LIPA: variants seen among roughly 807,000 people sequenced by gnomAD.
LIPA encodes lysosomal acid lipase/cholesteryl ester hydrolase.
In LIPA, 26 loss-of-function variants were observed where a neutral mutation model predicts 40.6. The ratio of observed to expected loss-of-function variants is 0.64; its 90% CI spans 0.47 to 0.89. The LOEUF is 0.89. LIPA is among the 40% of genes least tolerant of loss of function. LIPA has a pLI of 0.00. For missense variants in LIPA, 455 were observed against 479.6 expected (o/e 0.95, Z 0.48); for synonymous variants, 188 against 168.4 (o/e 1.12, Z -0.90).
chr10:89,288,313 C>A (rs550751846), intron 1 of LIPA, among the ~76,000 whole-genome samples: 129 of 152,246 alleles, frequency 8.5e-4, no homozygotes, highest in Middle Eastern at 6.8e-3. Flanking sequence ...TGTAAACTGA[C>A]AAAAGCAAAC....
chr10:89,246,866 T>C (rs1294410688), intron 2 of LIPA, among the ~76,000 whole-genome samples: 1 of 152,166 alleles, frequency 6.6e-6, no homozygotes, highest in Non-Finnish European at 1.5e-5. Context: ...CTTTGTTCAA[T>C]GTATTCTAAA....
intron 3 of LIPA, among the ~76,000 whole-genome samples, chr10:89,234,967 T>C (rs956143871): frequency 6.6e-6 from 1 of 152,244 alleles, no homozygotes; most frequent in Non-Finnish European, 1.5e-5. Flanking sequence ...GCGTGAGGGT[T>C]GGAGTCTAAC....
intron 2 of LIPA, chr10:89,363,224 G>A (rs1844033844): frequency 5.8e-6 from 1 of 171,746 alleles, no homozygotes; most frequent in Admixed American, 6.0e-5. Context: ...GCAGGATAGA[G>A]AAACTGTAGA....
chr10:89,305,350 T>C (rs1843471631), intron 1 of LIPA, among the ~76,000 whole-genome samples: 1 of 151,956 alleles, frequency 6.6e-6, no homozygotes, highest in African/African-American at 2.4e-5. Flanking sequence ...AAAGTTTGAA[T>C]AGACAAAATA....
chr10:89,257,415 T>C (rs1202368053), intron 1 of LIPA, among the ~76,000 whole-genome samples: 2 of 152,202 alleles, frequency 1.3e-5, no homozygotes, highest in Non-Finnish European at 1.5e-5. Context: ...GGTCACTTTA[T>C]ATCATAAGCC....
chr10:89,312,941 G>C (rs1226909262), intron 1 of LIPA, among the ~76,000 whole-genome samples: 1 of 152,104 alleles, frequency 6.6e-6, no homozygotes, highest in Non-Finnish European at 1.5e-5. Flanking sequence ...AGACATGGGA[G>C]GAGGGAGAAA....
intron 1 of LIPA, among the ~76,000 whole-genome samples, chr10:89,269,242 A>G (rs1843253254): frequency 6.6e-6 from 1 of 152,016 alleles, no homozygotes; most frequent in South Asian, 2.1e-4. Flanking sequence ...AGGCAGGAGA[A>G]TCACTTGAAC....
At chr10:89,373,334 CAAAAAAAAA>C (rs34479360) in intron 2 of LIPA, among the ~76,000 whole-genome samples, 1,998 of 63,184 alleles carry the variant, frequency 0.032, 42 homozygotes, top group African/African-American at 0.076. Context: ...GACTCCCTCT[CAAAAAAAAA>C]AAAAAAAAAA....
At position 89,296,489 on chromosome 10, in the gene LIPA, C is replaced by CAAA. The variant is rs750487920; in HGVS notation, c.-2+46119_-2+46121dup. ...CTTTGGCAACAGAGCGAGACTGTCT[C>CAAA]AAAAAAAAAAAAAAAAAGAAGAAGA... On this transcript the variant is annotated intron_variant, in intron 1 of 5. Coordinates refer to the LIPA transcript ENST00000282673. Among the ~76,000 whole-genome samples, 130 of 102,898 alleles carry CAAA rather than the reference C, an allele frequency of 1.3e-3. 1 individual carries two copies. The highest frequency in any genetic ancestry group is 5.6e-3 in the Middle Eastern group (1 of 178). The allele number at this position is 102,898 out of a possible 152,430, so 67.5% of individuals were successfully genotyped here.
chr10:89,234,415 A>G (rs965359524), intron 3 of LIPA, among the ~76,000 whole-genome samples: 1 of 152,242 alleles, frequency 6.6e-6, no homozygotes, highest in African/African-American at 2.4e-5. Flanking sequence ...TGCAGAGGAT[A>G]TAACTTACTG....
chr10:89,256,554 G>A (rs558727517), upstream of LIPA, among the ~76,000 whole-genome samples: 198 of 152,348 alleles, frequency 1.3e-3, no homozygotes, highest in Non-Finnish European at 2.2e-3. Flanking sequence ...TAAGTGAAGT[G>A]AGTACTGAGA....
chr10:89,326,013 A>G (rs1007856511), intron 1 of LIPA, among the ~76,000 whole-genome samples: 1 of 152,222 alleles, frequency 6.6e-6, no homozygotes, highest in African/African-American at 2.4e-5. Flanking sequence ...TATAACTACT[A>G]TGGATAACAG....
intron 2 of LIPA, among the ~76,000 whole-genome samples, chr10:89,411,290 A>G (rs1841467521): frequency 8.0e-6 from 1 of 124,790 alleles, no homozygotes; most frequent in Non-Finnish European, 1.5e-5. Context: ...GCAATTAAGG[A>G]AAAAAAAAAC....
intron 1 of LIPA, among the ~76,000 whole-genome samples, chr10:89,333,725 T>C (rs1337719012): frequency 6.6e-6 from 1 of 152,122 alleles, no homozygotes; most frequent in Non-Finnish European, 1.5e-5. Context: ...GTAATTTAAG[T>C]ATGAGAAACT....
intron 2 of LIPA, among the ~76,000 whole-genome samples, chr10:89,394,574 GAA>G (rs1405646847): frequency 1.0e-5 from 1 of 95,344 alleles, no homozygotes; most frequent in South Asian, 3.4e-4. Context: ...TGTACTACAG[GAA>G]AATATATATA....
intron 3 of LIPA, 143 bp downstream of exon 3, chr10:89,245,533 T>A (rs555204413): frequency 2.9e-6 from 2 of 684,146 alleles, no homozygotes; most frequent in East Asian, 5.0e-5. Context: ...AAATTATTTT[T>A]CTTTGCCTTG....
At chr10:89,340,419 G>A (rs1327135366) in intron 1 of LIPA, 27 of 200,202 alleles carry the variant, frequency 1.3e-4, no homozygotes, top group Admixed American at 1.1e-3. Context: ...TTAGCCAGGC[G>A]TGGTGGCTGG....
chr10:89,367,288 C>T (rs929148121), intron 2 of LIPA, among the ~76,000 whole-genome samples: 6 of 151,552 alleles, frequency 4.0e-5, no homozygotes, highest in South Asian at 2.1e-4. Context: ...CAAACCTGCA[C>T]GTTGTGCACA....
Position 89,223,695 on chromosome 10 carries a change from T to C in LIPA, c.811A>G (p.Asn271Asp). 1 of 1,611,608 alleles carries C rather than the reference T, an allele frequency of 6.2e-7. No individual in the cohort carries two copies. Among genetic ancestry groups the C allele is most frequent in the Non-Finnish European group, 8.5e-7 (1 of 1,177,916 alleles). ...ATAAACATGCATACCATATTTAAATTTCTCTCATTAAATCCACACAGAAGA... is the reference window on the plus strand; with the variant it reads ...ATAAACATGCATACCATATTTAAATCTCTCTCATTAAATCCACACAGAAGA... ...CFLLCGFNER[N>D]LNMSRVDVYT... Residue 271 changes from asparagine to aspartate, a missense_variant, in exon 7 of 10, where the codon AAT (asparagine) becomes GAT (aspartate). Transcript: ENST00000336233.
Sources: allele counts gnomAD v4.1 joint callset (sites outside exome capture counted in the v4.1 genomes callset), GRCh38; gene constraint gnomAD v4.1.1; transcripts MANE v1.5; gene names NCBI Gene and HGNC (gene_info 2026-07-23, HGNC 2026-07-21).